The following LAMA5 variants were observed in gnomAD, a reference collection of about 807,000 sequenced individuals.
The protein encoded by LAMA5 is laminin subunit alpha 5.
In LAMA5, 260 loss-of-function variants were observed where a neutral mutation model predicts 433.4. That is an observed-to-expected ratio of 0.60 (90% CI 0.54 to 0.66). The LOEUF is 0.66. Among genes scored for constraint, LAMA5 ranks in the 30% least tolerant of loss-of-function variants. LAMA5 has a pLI of 0.00. For synonymous variants in LAMA5, 2,620 were observed against 2,226.6 expected (o/e 1.18, Z -4.97); for missense variants, 5,378 against 5,258.5 (o/e 1.02, Z -0.70).
rs759229275 is a variant in LAMA5, at chr20:62,310,022, T to C, written c.10794A>G (p.Ser3598=). The change falls in exon 78 of 80, where the codon TCA becomes TCG. Residue 3598 remains serine, a synonymous_variant. Transcript: ENST00000252999. Reference sequence around the variant, plus strand: ...GGTGCCACTGGCCATCACACAGCACTGAGGGGCGGGTCACTGACGTGGAGA... The same window carrying C: ...GGTGCCACTGGCCATCACACAGCACCGAGGGGCGGGTCACTGACGTGGAGA... ...GEFSTSVTRP[S]VLCDGQWHRL... 13 of 1,611,330 alleles carry C rather than the reference T, an allele frequency of 8.1e-6. No individual in the cohort carries two copies. The South Asian group carries it at 1.2e-4, about 15-fold the overall frequency.
chr20:62,313,178 G>T lies in LAMA5; in HGVS notation c.8865C>A (p.Ser2955Arg). The T allele has an allele frequency of 6.3e-7, 1 of 1,583,498 alleles. No homozygotes were observed. ...TGGTGGTGCTGATCTGACTGTCGAA[G>T]CTGATGCGGGCGAAGCCGGTGCCGT... ...YLDGTGFARI[S>R]FDSQISTTKR... Residue 2955 changes from serine (S) to arginine (R), a missense_variant, in exon 65 of 80, where the codon AGC (serine) becomes AGA (arginine). Coordinates refer to ENST00000252999, the MANE Select transcript of LAMA5 (RefSeq NM_005560.6).
At position 62,310,406 on chromosome 20, in the gene LAMA5, A is replaced by C; in HGVS notation, c.10600+13T>G. ...CTGCCCTGCTGAGGCCTGGGATGCC[A>C]GCACCCACAGACCTAAAGTGATAAC... On this transcript the variant is annotated intron_variant, in intron 76 of 79. Coordinates refer to ENST00000252999, the MANE Select transcript of LAMA5 (RefSeq NM_005560.6). The C allele has an allele frequency of 6.3e-7, 1 of 1,591,372 alleles. No homozygotes were observed. Among genetic ancestry groups the C allele is most frequent in the South Asian group, 1.1e-5 (1 of 87,362 alleles).
At chr20:62,329,703 C>A (rs1979988884) in intron 32 of LAMA5, 74 bp downstream of exon 32, 11 of 1,560,754 alleles carry the variant, frequency 7.0e-6, no homozygotes, top group Non-Finnish European at 7.9e-6. Flanking sequence ...ACAGACCCAG[C>A]CCAAGTGTAC....
chr20:62,310,419 C>T lies in LAMA5; in HGVS notation c.10600G>A (p.Asp3534Asn). Reference sequence around the variant, plus strand: ...GCCTGGGATGCCAGCACCCACAGACCTAAAGTGATAACTCCCCCGCTGCCT... The same window carrying T: ...GCCTGGGATGCCAGCACCCACAGACTTAAAGTGATAACTCCCCCGCTGCCT... ...FPGSGGVITLDLPGATLPDVG... is the reference protein window; with the variant it reads ...FPGSGGVITLNLPGATLPDVG... The change falls in exon 76 of 80, where the codon GAC (aspartate) becomes AAC (asparagine). Residue 3534 changes from aspartate to asparagine, a missense_variant and splice_region_variant. Transcript: ENST00000252999. 1 of 1,602,308 alleles carries T rather than the reference C, an allele frequency of 6.2e-7. No individual in the cohort carries two copies. The highest frequency in any genetic ancestry group is 8.5e-7 in the Non-Finnish European group (1 of 1,175,620).
In LAMA5 at chr20:62,324,268, G is replaced by A. The variant is rs1235507365; in HGVS notation, c.5644-64C>T. On this transcript the variant is annotated intron_variant, in intron 42 of 79. Coordinates refer to ENST00000252999, the MANE Select transcript of LAMA5 (RefSeq NM_005560.6). The surrounding 1 kb of genome is among the most constrained non-coding windows in gnomAD (Gnocchi z 4.4). Reference sequence around the variant, plus strand: ...CACATCCTACTGCCGAGTCTGTGCAGCTCCCACCACCCCTGCCTCAGACTC... The same window carrying A: ...CACATCCTACTGCCGAGTCTGTGCAACTCCCACCACCCCTGCCTCAGACTC... The A allele has an allele frequency of 1.9e-6, 3 of 1,559,678 alleles. No homozygotes were observed. Among genetic ancestry groups the A allele is most frequent in the Non-Finnish European group, 2.6e-6 (3 of 1,158,086 alleles).
At chr20:62,356,563 T>C (rs1215500185) in intron 2 of LAMA5, 2 of 152,304 alleles carry the variant, frequency 1.3e-5, no homozygotes, top group African/African-American at 4.8e-5. Context: ...TCTCAGCCAC[T>C]GCACCCTCCA....
chr20:62,323,676 A>G lies in LAMA5; in HGVS notation c.5850-6T>C. 6.2e-7 allele frequency: 1 copy of G among 1,604,610 alleles called. No individual in the cohort carries two copies. Among genetic ancestry groups the G allele is most frequent in the East Asian group, 2.2e-5 (1 of 44,556 alleles). ...CAAAGAATCCGGGCGCACACCTGGG[A>G]GCAGGGTGGGGAGGGGCCGTCAGTG... is the stretch of plus-strand genomic sequence containing the variant. On this transcript the variant is annotated splice_polypyrimidine_tract_variant and splice_region_variant and intron_variant, in intron 44 of 79. Coordinates refer to ENST00000252999, the MANE Select transcript of LAMA5 (RefSeq NM_005560.6).
chr20:62,309,313 C>T lies in LAMA5; in HGVS notation c.*23G>A. ...TGTGAGGCAGCTGCAGGGGCCTGAC[C>T]AGGGGCCGGGGTTGGCTGTGTCCTA... is the stretch of plus-strand genomic sequence containing the variant. On this transcript the variant is annotated 3_prime_UTR_variant, in exon 80 of 80. Coordinates refer to ENST00000252999, the MANE Select transcript of LAMA5 (RefSeq NM_005560.6). The T allele has an allele frequency of 6.3e-7, 1 of 1,589,136 alleles. No individual in the cohort carries two copies. Among genetic ancestry groups the T allele is most frequent in the Non-Finnish European group, 8.5e-7 (1 of 1,175,864 alleles).
rs772380497 is a variant in LAMA5 at position 62,330,754 on chromosome 20, G to A, written c.3841C>T (p.Arg1281Cys). ...ACTATGGCCCTCACCTGGGGCTCAC[G>A]CAGCAGGGTGGGCTCTGCATCAGGG... ...VDPDAEPTLL[R>C]EPQATVVFTT... Residue 1281 changes from arginine to cysteine, a missense_variant, in exon 30 of 80, where the codon CGT (arginine) becomes TGT (cysteine). Arg to Cys is a radical substitution (Grantham distance 180). Coordinates refer to ENST00000252999, the MANE Select transcript of LAMA5 (RefSeq NM_005560.6). 1.1e-5 allele frequency: 17 copies of A among 1,560,732 alleles called. No individual in the cohort carries two copies. The East Asian group carries it at 1.2e-4, about 11-fold the overall frequency.
At position 62,309,455 on chromosome 20, in the gene LAMA5, A is replaced by G; in HGVS notation, c.10969T>C (p.Trp3657Arg). 6.3e-7 allele frequency: 1 copy of G among 1,579,802 alleles called. No homozygotes were observed. The change falls in exon 80 of 80, where the codon TGG (tryptophan) becomes CGG (arginine). Residue 3657 changes from tryptophan (W) to arginine (R), a missense_variant. Coordinates refer to ENST00000252999, the MANE Select transcript of LAMA5 (RefSeq NM_005560.6). Reference protein sequence around the residue: ...GLPEPMAVQPWPPAYCGCMRR... With the variant: ...GLPEPMAVQPRPPAYCGCMRR... ...ATGCAGCCGCAGTAGGCGGGGGGCC[A>G]GGGCTGCACGGCCATGGGCTCTGGG...
intron 6 of LAMA5, among the ~76,000 whole-genome samples, 161 bp from the exon 7 acceptor site, chr20:62,347,189 C>A (rs1009321834): frequency 1.3e-5 from 2 of 152,196 alleles, no homozygotes; most frequent in Non-Finnish European, 2.9e-5. Flanking sequence ...AGCAAGCGCT[C>A]GCCCAGACTC....
chr20:62,323,361 C>CAGGCACACAGCCTACTTACGGGGT, intron 45 of LAMA5, 95 bp downstream of exon 45: 1 of 1,039,636 alleles, frequency 9.6e-7, no homozygotes. Context: ...GCCCCAGCAT[C>CAGGCACACAGCCTACTTACGGGGT]AGGCACACAG....
At position 62,329,795 on chromosome 20, in the gene LAMA5, C is replaced by T. The variant is rs1228382952; in HGVS notation, c.4101G>A (p.Lys1367=). 6.2e-7 allele frequency: 1 copy of T among 1,612,426 alleles called. No homozygotes were observed. Among genetic ancestry groups the T allele is most frequent in the African/African-American group, 1.3e-5 (1 of 75,054 alleles). ...SELTVTVRVP[K]GRWLWLDYVL... ...GACTCACCAGCCAGAGCCACCGGCC[C>T]TTGGGCACACGCACGGTCACAGTGA... Residue 1367 remains lysine (K), a synonymous_variant, in exon 32 of 80, where the codon AAG becomes AAA. Coordinates refer to ENST00000252999, the MANE Select transcript of LAMA5 (RefSeq NM_005560.6).
chr20:62,322,562 A>C, intron 46 of LAMA5, 96 bp downstream of exon 46: 1 of 1,419,078 alleles, frequency 7.0e-7, no homozygotes, highest in Non-Finnish European at 9.6e-7. Flanking sequence ...TGCCCATCAA[A>C]CACTGCCCCT....
At chr20:62,317,067 C>T (rs902156998) in intron 55 of LAMA5, 44 bp from the exon 56 acceptor site, 10 of 1,492,360 alleles carry the variant, frequency 6.7e-6, no homozygotes, top group East Asian at 2.3e-5. Context: ...AGCGCAGACG[C>T]CCTCGGCCTG....
rs1351826689 is a variant in LAMA5 at position 62,351,892 on chromosome 20, C to T, written c.858+17G>A. On this transcript the variant is annotated intron_variant, in intron 5 of 79. Coordinates refer to ENST00000252999, the MANE Select transcript of LAMA5 (RefSeq NM_005560.6). The stretch of plus-strand genomic sequence containing the variant: ...CCGGCCAGTCCCCCTCCCCCGCCTG[C>T]GCCATGGGCAGCTCACCCGGCGGGT... 13 of 1,585,222 alleles carry T rather than the reference C, an allele frequency of 8.2e-6. No homozygotes were observed. The highest frequency in any genetic ancestry group is 2.3e-5 in the East Asian group (1 of 43,396).
intron 11 of LAMA5, among the ~76,000 whole-genome samples, chr20:62,344,230 T>A (rs1045893330): frequency 6.6e-6 from 1 of 150,478 alleles, no homozygotes; most frequent in African/African-American, 2.4e-5. Flanking sequence ...TGCTTGTATG[T>A]CCCGTCATGA....
intron 2 of LAMA5, among the ~76,000 whole-genome samples, chr20:62,360,853 C>T (rs900312525): frequency 6.6e-6 from 1 of 152,100 alleles, no homozygotes; most frequent in Non-Finnish European, 1.5e-5. Flanking sequence ...CCAGTTCATA[C>T]ATGTGCACCG....
chr20:62,320,408 A>G (rs1601310312), intron 50 of LAMA5, 151 bp downstream of exon 50: 1 of 601,444 alleles, frequency 1.7e-6, no homozygotes. Context: ...TAATTCAGTG[A>G]CTTGGTCAAC....
Sources: gnomAD v4.1 joint callset for allele counts (sites outside exome capture counted in the v4.1 genomes callset) on GRCh38, gnomAD v4.1.1 for gene constraint, Gnocchi (gnomAD v3.1) non-coding constraint, MANE v1.5 for transcripts, NCBI Gene and HGNC (gene_info 2026-07-23, HGNC 2026-07-21) for gene names.